Variants in PCM1 observed in about 807,000 individuals in gnomAD.
The protein encoded by PCM1 is pericentriolar material 1, also known as pericentriolar material 1 protein.
A neutral mutation model predicts 241.9 loss-of-function variants in PCM1; 157 were observed. The ratio of observed to expected loss-of-function variants is 0.65; its 90% CI spans 0.57 to 0.74. The LOEUF is 0.74. Ranked by LOEUF, PCM1 falls within the 30% of genes least tolerant of loss-of-function variation. The probability of loss-of-function intolerance (pLI) is 0.00; values close to 1 mark genes in which losing one functional copy is unlikely to be tolerated. For missense variants in PCM1, 3,478 were observed against 2,360.1 expected (o/e 1.47, Z -9.81); for synonymous variants, 1,085 against 784.9 (o/e 1.38, Z -6.39).
intron 9 of PCM1, 118 bp downstream of exon 9, chr8:17,953,304 C>A (rs191005197): frequency 1.4e-4 from 67 of 494,690 alleles, no homozygotes; most frequent in Middle Eastern, 5.4e-4. Context: ...TTTGTAGGGA[C>A]TTAAGACTTG....
chr8:17,953,980 A>G (rs551264260), intron 9 of PCM1, among the ~76,000 whole-genome samples: 1 of 152,336 alleles, frequency 6.6e-6, no homozygotes, highest in South Asian at 2.1e-4. Context: ...TCTGGTCCTT[A>G]TTCTCCACCT....
At chr8:18,014,373 G>T (rs1174681979) in intron 35 of PCM1, among the ~76,000 whole-genome samples, 2 of 136,382 alleles carry the variant, frequency 1.5e-5, no homozygotes, top group Non-Finnish European at 3.4e-5. Flanking sequence ...AAATCAGGTG[G>T]ATTTCAGGAA....
rs745660256 is a variant in PCM1, at chr8:17,960,090, C to G, written c.2117C>G (p.Thr706Ser). The G allele has an allele frequency of 1.2e-6, 2 of 1,609,066 alleles. No individual in the cohort carries two copies. The highest frequency in any genetic ancestry group is 2.2e-5 in the South Asian group (2 of 90,298). ...LDDFYPAEEDTKQNSNNTRGN... is the reference protein window; with the variant it reads ...LDDFYPAEEDSKQNSNNTRGN... ...GATTTCTACCCAGCAGAAGAAGACA[C>G]CAAGCAAAATTCAAATAACACTAGA... Residue 706 changes from threonine to serine, a missense_variant, in exon 14 of 39, where the codon ACC (threonine) becomes AGC (serine). Thr to Ser is a moderately conservative substitution (Grantham distance 58). Transcript: ENST00000325083.
chr8:18,013,983 A>G lies in PCM1; in HGVS notation c.5531A>G (p.Lys1844Arg). 1.9e-6 allele frequency: 3 copies of G among 1,604,054 alleles called. No individual in the cohort carries two copies. Among genetic ancestry groups the G allele is most frequent in the Non-Finnish European group, 2.6e-6 (3 of 1,175,312 alleles). Residue 1844 changes from lysine (K) to arginine (R), a missense_variant, in exon 35 of 39, where the codon AAA becomes AGA. Physicochemically the swap from Lys to Arg is conservative, Grantham distance 26. Coordinates refer to ENST00000325083, the MANE Select transcript of PCM1 (RefSeq NM_006197.4). ...HDEQVLQRDF[K>R]KTAESKNVPL... ...TTCTAGGTCCTACAACGTGACTTTA[A>G]AAAGACAGCAGAAAGCAAAAATGTC...
chr8:18,027,177 G>GTTAA (rs1564487821), intron 38 of PCM1, among the ~76,000 whole-genome samples: 1 of 152,174 alleles, frequency 6.6e-6, no homozygotes, highest in African/African-American at 2.4e-5. Flanking sequence ...CAGACCTTCA[G>GTTAA]TTAATTTCTG....
chr8:18,028,065 T>G lies in PCM1; in HGVS notation c.*403T>G. The G allele has an allele frequency of 4.6e-6, 1 of 215,918 alleles. No individual in the cohort carries two copies. The highest frequency in any genetic ancestry group is 9.3e-6 in the Non-Finnish European group (1 of 107,312). 13.4% of individuals were successfully genotyped at this position (215,918 alleles called of 1,614,324 possible). ...TCAGAGAAGAGCAATGGTTAAGAGT[T>G]AGTTAGAGAAATATATTATTTGTTA... On this transcript the variant is annotated 3_prime_UTR_variant, in exon 39 of 39. Coordinates refer to ENST00000325083, the MANE Select transcript of PCM1 (RefSeq NM_006197.4).
At chr8:18,006,430 T>G (rs756620438) in intron 30 of PCM1, 33 bp downstream of exon 30, 1 of 1,509,404 alleles carries the variant, frequency 6.6e-7, no homozygotes, top group Non-Finnish European at 9.2e-7. Context: ...TTTACCAATA[T>G]GTACTGTGTG....
At chr8:17,925,319 G>T (rs2056496370) in intron 2 of PCM1, 1 of 152,124 alleles carries the variant, frequency 6.6e-6, no homozygotes, top group South Asian at 2.1e-4. Context: ...TGACATAAAG[G>T]TATTCTCTGT....
intron 2 of PCM1, among the ~76,000 whole-genome samples, chr8:17,935,281 C>T (rs1372923102): frequency 1.3e-5 from 2 of 152,210 alleles, no homozygotes; most frequent in Admixed American, 1.3e-4. Flanking sequence ...ACTTTTCCTA[C>T]TTTATTGTTC....
intron 18 of PCM1, among the ~76,000 whole-genome samples, chr8:17,965,452 CAGAT>C (rs1354706794): frequency 8.5e-5 from 13 of 152,112 alleles, no homozygotes; most frequent in African/African-American, 3.1e-4. Context: ...GCACAAAGAA[CAGAT>C]AGATATTTTA....
chr8:18,003,309 A>C (rs1280319608), intron 29 of PCM1, among the ~76,000 whole-genome samples: 1 of 152,228 alleles, frequency 6.6e-6, no homozygotes, highest in East Asian at 1.9e-4. Context: ...TCTAAGTGTG[A>C]AAACAACTGG....
intron 16 of PCM1, chr8:17,962,890 G>A: frequency 2.3e-6 from 1 of 435,352 alleles, no homozygotes; most frequent in Non-Finnish European, 4.1e-6. Context: ...ATGACAGAGT[G>A]AGACTCTGTC....
intron 2 of PCM1, among the ~76,000 whole-genome samples, chr8:17,934,409 C>G (rs2059874391): frequency 1.3e-5 from 2 of 151,862 alleles, no homozygotes; most frequent in Admixed American, 1.3e-4. Context: ...TTACAGGCAC[C>G]TGCCACCACA....
intron 26 of PCM1, among the ~76,000 whole-genome samples, chr8:17,987,859 G>A (rs150607161): frequency 3.9e-4 from 60 of 151,970 alleles, no homozygotes; most frequent in African/African-American, 1.3e-3. Context: ...TATTGTAACT[G>A]AGGAACTAAA....
intron 6 of PCM1, among the ~76,000 whole-genome samples, chr8:17,941,001 T>C (rs2061849825): frequency 6.6e-6 from 1 of 152,168 alleles, no homozygotes; most frequent in African/African-American, 2.4e-5. Flanking sequence ...CCTATTAGTA[T>C]TGACCTGCAT....
chr8:18,019,313 T>A (rs558628452), intron 36 of PCM1, among the ~76,000 whole-genome samples: 1 of 152,316 alleles, frequency 6.6e-6, no homozygotes, highest in South Asian at 2.1e-4. Flanking sequence ...AAAACTTTAG[T>A]TCTGTAGAGC....
intron 36 of PCM1, among the ~76,000 whole-genome samples, chr8:18,016,865 C>G (rs1179499302): frequency 6.6e-6 from 1 of 152,244 alleles, no homozygotes; most frequent in Non-Finnish European, 1.5e-5. Flanking sequence ...ACACCGAGGT[C>G]TGGCTCCTGT....
intron 36 of PCM1, 36 bp from the exon 37 acceptor site, chr8:18,025,321 GGATC>G (rs757770855): frequency 4.8e-6 from 5 of 1,041,150 alleles, no homozygotes; most frequent in Non-Finnish European, 7.4e-6. Context: ...TGACTGGTTT[GGATC>G]TAGAGTATGT....
In PCM1 at chr8:17,972,462, C is replaced by T. The variant is rs1344364331; in HGVS notation, c.3718C>T (p.Arg1240Cys). The part of the protein sequence containing the change: ...VSVEKSTSSN[R>C]KNQLDTNGRR... ...TGTAGAAAAATCTACAAGTAGTAAC[C>T]GCAAAAATCAATTAGATACAAACGG... The change falls in exon 23 of 39, where the codon CGC becomes TGC. Residue 1240 changes from arginine (R) to cysteine (C), a missense_variant. By Grantham distance (180) the Arg-to-Cys change is radical (BLOSUM62 -3). Coordinates refer to ENST00000325083, the MANE Select transcript of PCM1 (RefSeq NM_006197.4). 1.2e-5 allele frequency: 20 copies of T among 1,613,402 alleles called. No individual in the cohort carries two copies. Among genetic ancestry groups the T allele is most frequent in the East Asian group, 6.7e-5 (3 of 44,862 alleles).
Sources: allele counts gnomAD v4.1 joint callset (sites outside exome capture counted in the v4.1 genomes callset), GRCh38; gene constraint gnomAD v4.1.1; transcripts MANE v1.5; gene names NCBI Gene and HGNC (gene_info 2026-07-23, HGNC 2026-07-21).